Variants in RAP1GDS1 observed in about 807,000 individuals in gnomAD.
The protein encoded by RAP1GDS1 is RAP1, GTP-GDP dissociation stimulator 1.
RAP1GDS1 carries 35 observed loss-of-function variants against 71.1 expected under a neutral mutation model. That is an observed-to-expected ratio of 0.49 (90% CI 0.38 to 0.65). RAP1GDS1 has a LOEUF of 0.65. RAP1GDS1 is among the 30% of genes least tolerant of loss of function. The probability of loss-of-function intolerance (pLI) is 0.00; values close to 1 mark genes in which losing one functional copy is unlikely to be tolerated. For synonymous variants in RAP1GDS1, 229 were observed against 243.1 expected (o/e 0.94, Z 0.54); for missense variants, 663 against 706.1 (o/e 0.94, Z 0.69).
rs28610419 is a variant in RAP1GDS1, at chr4:98,383,997, T to C, written c.508+4834T>C. On this transcript the variant is annotated intron_variant, in intron 5 of 14. Coordinates refer to ENST00000408927, the MANE Select transcript of RAP1GDS1 (RefSeq NM_001100427.2). ...CAAGCTAGTTAATAATTTATATATTTCCTAAATAGTAAATTATTTTTACCT... is the reference window on the plus strand; with the variant it reads ...CAAGCTAGTTAATAATTTATATATTCCCTAAATAGTAAATTATTTTTACCT... Among the ~76,000 whole-genome samples the C allele has an allele frequency of 5.2e-3, 794 of 151,654 alleles. 4 individuals are homozygous for C. The highest frequency in any genetic ancestry group is 8.7e-3 in the Non-Finnish European group (590 of 67,574).
At chr4:98,363,919 C>G (rs1057491194) in intron 4 of RAP1GDS1, among the ~76,000 whole-genome samples, 3 of 152,066 alleles carry the variant, frequency 2.0e-5, no homozygotes, top group Non-Finnish European at 4.4e-5. Context: ...TGGGAAAGTG[C>G]GAAAGGGAGA....
At chr4:98,311,383 T>C (rs1730198486) in intron 2 of RAP1GDS1, among the ~76,000 whole-genome samples, 1 of 152,160 alleles carries the variant, frequency 6.6e-6, no homozygotes, top group African/African-American at 2.4e-5. Context: ...TTACTTCTTG[T>C]AAAGAGAAAA....
chr4:98,415,390 G>T (rs1747796791), intron 7 of RAP1GDS1, among the ~76,000 whole-genome samples: 1 of 152,168 alleles, frequency 6.6e-6, no homozygotes, highest in South Asian at 2.1e-4. Flanking sequence ...AGCTTACAAA[G>T]ATAACAGGAT....
At chr4:98,360,957 A>ATAT (rs984350586) in intron 4 of RAP1GDS1, among the ~76,000 whole-genome samples, 1 of 151,852 alleles carries the variant, frequency 6.6e-6, no homozygotes, top group Non-Finnish European at 1.5e-5. Flanking sequence ...GCATGGTGGC[A>ATAT]TATACCTGTA....
chr4:98,325,460 GAC>G (rs1732866021), intron 2 of RAP1GDS1, among the ~76,000 whole-genome samples: 1 of 151,852 alleles, frequency 6.6e-6, no homozygotes, highest in Non-Finnish European at 1.5e-5. Context: ...CTGCTATAAA[GAC>G]ACATGCACAT....
At chr4:98,441,131 T>C (rs1389801570) in intron 14 of RAP1GDS1, among the ~76,000 whole-genome samples, 11 of 152,206 alleles carry the variant, frequency 7.2e-5, no homozygotes, top group Non-Finnish European at 1.3e-4. Flanking sequence ...CCCTTGAGAT[T>C]CCATATGAAT....
At chr4:98,406,547 G>T (rs1405679753) in intron 7 of RAP1GDS1, among the ~76,000 whole-genome samples, 5 of 151,908 alleles carry the variant, frequency 3.3e-5, no homozygotes, top group African/African-American at 1.2e-4. Context: ...GAACTATGAA[G>T]AGAAACAGAC....
chr4:98,333,029 T>A (rs1734215218), intron 2 of RAP1GDS1, among the ~76,000 whole-genome samples: 1 of 152,152 alleles, frequency 6.6e-6, no homozygotes, highest in Admixed American at 6.5e-5. Flanking sequence ...ATCTTTAGGT[T>A]GAAAATTTAC....
chr4:98,329,788 C>CAAAAAAA (rs34140500), intron 2 of RAP1GDS1, among the ~76,000 whole-genome samples: 1 of 43,424 alleles, frequency 2.3e-5, no homozygotes, highest in Non-Finnish European at 4.9e-5. Flanking sequence ...GACTCCATCT[C>CAAAAAAA]AAAAAAAAAA....
At chr4:98,376,671 A>G (rs927356582) in intron 4 of RAP1GDS1, among the ~76,000 whole-genome samples, 1 of 152,038 alleles carries the variant, frequency 6.6e-6, no homozygotes, top group African/African-American at 2.4e-5. Context: ...AATCATTCCT[A>G]TAGTGGTGGT....
chr4:98,322,348 T>A, intron 2 of RAP1GDS1, among the ~76,000 whole-genome samples: 1 of 101,408 alleles, frequency 9.9e-6, no homozygotes, highest in African/African-American at 4.1e-5. Context: ...ACTGTCAACA[T>A]TAGACAGATC....
chr4:98,295,393 C>G (rs1347529700), intron 2 of RAP1GDS1, among the ~76,000 whole-genome samples: 1 of 152,020 alleles, frequency 6.6e-6, no homozygotes, highest in African/African-American at 2.4e-5. Context: ...TATAAATGCC[C>G]TCAAGCCTAA....
intron 5 of RAP1GDS1, among the ~76,000 whole-genome samples, chr4:98,388,945 CAG>C (rs1184563732): frequency 7.1e-6 from 1 of 140,388 alleles, no homozygotes; most frequent in Non-Finnish European, 1.5e-5. Context: ...TATATGTTAA[CAG>C]AAATAACATT....
chr4:98,329,527 T>C (rs1392336046), intron 2 of RAP1GDS1, among the ~76,000 whole-genome samples: 1 of 152,100 alleles, frequency 6.6e-6, no homozygotes, highest in Non-Finnish European at 1.5e-5. Flanking sequence ...TGGTGGCTCA[T>C]GCCTGTAATC....
At chr4:98,431,577 C>T (rs1004632633) in intron 12 of RAP1GDS1, among the ~76,000 whole-genome samples, 1 of 152,298 alleles carries the variant, frequency 6.6e-6, no homozygotes, top group Middle Eastern at 3.4e-3. Context: ...AACAAAGACC[C>T]ACTAATCAGC....
chr4:98,368,358 A>G (rs576576179), intron 4 of RAP1GDS1, among the ~76,000 whole-genome samples: 1 of 152,178 alleles, frequency 6.6e-6, no homozygotes, highest in Non-Finnish European at 1.5e-5. Flanking sequence ...AAAACAAACT[A>G]ATACTGTATG....
intron 1 of RAP1GDS1, among the ~76,000 whole-genome samples, chr4:98,278,545 A>C (rs1724567031): frequency 6.6e-6 from 1 of 152,214 alleles, no homozygotes; most frequent in South Asian, 2.1e-4. Context: ...GGTTAAACTG[A>C]ATTTTTAATT....
At chr4:98,332,858 G>C (rs1734192292) in intron 2 of RAP1GDS1, among the ~76,000 whole-genome samples, 1 of 152,114 alleles carries the variant, frequency 6.6e-6, no homozygotes. Flanking sequence ...TCTTTAGAAA[G>C]ACTTGTAAAT....
intron 12 of RAP1GDS1, among the ~76,000 whole-genome samples, chr4:98,424,782 A>G (rs572584257): frequency 6.6e-6 from 1 of 150,774 alleles, no homozygotes; most frequent in Non-Finnish European, 1.5e-5. Flanking sequence ...AAAAAAAAAA[A>G]AAAACAAAGA....
Sources: gnomAD v4.1 joint callset for allele counts (sites outside exome capture counted in the v4.1 genomes callset) on GRCh38, gnomAD v4.1.1 for gene constraint, MANE v1.5 for transcripts, NCBI Gene and HGNC (gene_info 2026-07-23, HGNC 2026-07-21) for gene names.